TMEM62: variants seen among roughly 807,000 people sequenced by gnomAD.
TMEM62 encodes the protein transmembrane protein 62.
A neutral mutation model predicts 70.4 loss-of-function variants in TMEM62; 41 were observed. That is an observed-to-expected ratio of 0.58 (90% CI 0.45 to 0.76). The LOEUF is 0.76. Ranked by LOEUF, TMEM62 falls within the 30% of genes least tolerant of loss-of-function variation. The pLI, the probability that TMEM62 is intolerant of heterozygous loss-of-function variation, is 0.00. For missense variants in TMEM62, 688 were observed against 788.5 expected (o/e 0.87, Z 1.53); for synonymous variants, 268 against 291.0 (o/e 0.92, Z 0.80).
chr15:43,163,051 A>T (rs965672805), intron 10 of TMEM62, among the ~76,000 whole-genome samples: 1 of 151,832 alleles, frequency 6.6e-6, no homozygotes, highest in African/African-American at 2.4e-5. Flanking sequence ...GCCCTCAATA[A>T]ATATTTCTTA....
intron 11 of TMEM62, among the ~76,000 whole-genome samples, chr15:43,175,952 C>G (rs2142046309): frequency 6.6e-6 from 1 of 152,340 alleles, no homozygotes; most frequent in South Asian, 2.1e-4. Context: ...TAACAGAGGG[C>G]ACCTGGACAA....
rs186121548 is a variant in TMEM62, at chr15:43,154,459, C to T, written c.1023-213C>T. Among the ~76,000 whole-genome samples, 97 of 152,148 alleles carry T rather than the reference C, an allele frequency of 6.4e-4. 1 individual carries two copies. Among genetic ancestry groups the T allele is most frequent in the Admixed American group, 6.2e-3 (94 of 15,284 alleles). Reference sequence around the variant, plus strand: ...TTTCTAAAAAGTAAAAGAATAGTTCCGAATTTCTTACCAGTTCAGTTTTGC... The same window carrying T: ...TTTCTAAAAAGTAAAAGAATAGTTCTGAATTTCTTACCAGTTCAGTTTTGC... On this transcript the variant is annotated intron_variant, in intron 8 of 13. Coordinates refer to ENST00000260403, the MANE Select transcript of TMEM62 (RefSeq NM_024956.4).
At chr15:43,135,874 T>G (rs772567297) in intron 3 of TMEM62, 24 of 392,362 alleles carry the variant, frequency 6.1e-5, no homozygotes, top group Non-Finnish European at 9.4e-5. Flanking sequence ...ATATGCTGCT[T>G]CTTTTTTTAT....
intron 11 of TMEM62, among the ~76,000 whole-genome samples, chr15:43,178,178 A>T (rs1459752942): frequency 6.6e-6 from 1 of 152,024 alleles, no homozygotes; most frequent in Non-Finnish European, 1.5e-5. Flanking sequence ...GAAAACAGAG[A>T]CTTGATCATC....
In TMEM62 at chr15:43,184,862, C is replaced by T. The variant is rs370624149; in HGVS notation, c.*276C>T. 1 of 483,856 alleles carries T rather than the reference C, an allele frequency of 2.1e-6. No individual in the cohort carries two copies. The highest frequency in any genetic ancestry group is 3.6e-5 in the East Asian group (1 of 27,998). 30.0% of individuals were successfully genotyped at this position (483,856 alleles called of 1,614,324 possible). A position where few individuals can be genotyped will look rare whatever the true frequency, so the allele number is the denominator to read the frequency against. On this transcript the variant is annotated 3_prime_UTR_variant, in exon 14 of 14. Transcript: ENST00000260403. ...GTGAAGAGAAAACCCTTATCTAGGA[C>T]ATCCACAGGGTAGAGGTTGGGTGTG... is the stretch of plus-strand genomic sequence containing the variant.
chr15:43,153,594 T>C (rs1520519), intron 8 of TMEM62, among the ~76,000 whole-genome samples: 2,411 of 152,340 alleles, frequency 0.016, 76 homozygotes, highest in African/African-American at 0.056. Flanking sequence ...TCAAGGTTTA[T>C]ACATGTTGTG....
In TMEM62 at chr15:43,151,936, C is replaced by G; in HGVS notation, c.1013C>G (p.Thr338Arg). ...CCACTAGAAAGACTTCTTCACTCAA[C>G]ACACATCAGGTATGTAGCAATTTTT... ...HEPLERLLHSTHIRVLAFSLS... is the reference protein window; with the variant it reads ...HEPLERLLHSRHIRVLAFSLS... Residue 338 changes from threonine (T) to arginine (R), a missense_variant, in exon 8 of 14, where the codon ACA (threonine) becomes AGA (arginine). Physicochemically the swap from Thr to Arg is moderately conservative, Grantham distance 71. Transcript: ENST00000260403. 6.2e-7 allele frequency: 1 copy of G among 1,610,146 alleles called. No individual in the cohort carries two copies. The highest frequency in any genetic ancestry group is 2.2e-5 in the East Asian group (1 of 44,726).
chr15:43,157,115 C>T (rs2038138940), intron 9 of TMEM62, among the ~76,000 whole-genome samples: 1 of 152,128 alleles, frequency 6.6e-6, no homozygotes, highest in African/African-American at 2.4e-5. Context: ...ATTTTACCTA[C>T]TCATTGTATT....
rs147758442 is a variant in TMEM62, at chr15:43,154,825, C to A, written c.1176C>A (p.Ile392=). The part of the protein sequence containing the change: ...YSSGTHNIEV[I]VQDSAGRSKS... ...GTGGGACACATAACATAGAAGTAAT[C>A]GTCCAGGTAAGTTAGTAATTTATAT... The change falls in exon 9 of 14, where the codon ATC becomes ATA. Residue 392 remains isoleucine (I), a synonymous_variant. Transcript: ENST00000260403. 141 of 1,598,708 alleles carry A rather than the reference C, an allele frequency of 8.8e-5. 1 individual carries two copies. In the African/African-American group the frequency reaches 1.6e-3, roughly 18 times the overall value.
chr15:43,166,964 A>G (rs1418197444), intron 10 of TMEM62, among the ~76,000 whole-genome samples: 1 of 152,162 alleles, frequency 6.6e-6, no homozygotes, highest in African/African-American at 2.4e-5. Context: ...CAACCATCCG[A>G]TTTCTCAATC....
At chr15:43,144,131 A>G (rs1291724058) in intron 4 of TMEM62, among the ~76,000 whole-genome samples, 1 of 152,266 alleles carries the variant, frequency 6.6e-6, no homozygotes, top group Non-Finnish European at 1.5e-5. Context: ...AGAAGCAAAA[A>G]GTGTGTCCAA....
chr15:43,168,016 C>T (rs1014319539), intron 10 of TMEM62, among the ~76,000 whole-genome samples: 1 of 150,298 alleles, frequency 6.7e-6, no homozygotes, highest in Non-Finnish European at 1.5e-5. Flanking sequence ...CGCAGGCACT[C>T]GGCAGGCTGA....
chr15:43,154,608 A>T, intron 8 of TMEM62, 64 bp from the exon 9 acceptor site: 2 of 1,459,486 alleles, frequency 1.4e-6, no homozygotes, highest in East Asian at 4.6e-5. Context: ...CAATAAGGTT[A>T]TTCTCCTTTG....
chr15:43,140,445 G>C (rs1461777705), intron 4 of TMEM62, among the ~76,000 whole-genome samples: 1 of 152,126 alleles, frequency 6.6e-6, no homozygotes, highest in Non-Finnish European at 1.5e-5. Flanking sequence ...GCCAACTTTG[G>C]CGGTCACATT....
At chr15:43,157,605 T>A (rs1337424029) in intron 9 of TMEM62, among the ~76,000 whole-genome samples, 2 of 152,194 alleles carry the variant, frequency 1.3e-5, no homozygotes, top group African/African-American at 4.8e-5. Flanking sequence ...CTCCCATGTA[T>A]CCATCAGCCA....
At chr15:43,169,935 T>C (rs1408996992) in intron 11 of TMEM62, 1 of 299,064 alleles carries the variant, frequency 3.3e-6, no homozygotes, top group African/African-American at 2.2e-5. Flanking sequence ...GCCCCAAAAG[T>C]TGGGATATCT....
In TMEM62 at chr15:43,163,259, ATAGGTT is replaced by A. The variant is rs561038510; in HGVS notation, c.1296+2469_1296+2474del. 4.0e-3 allele frequency among the ~76,000 whole-genome samples: 603 copies of A among 152,206 alleles called. 3 individuals are homozygous for A. Among genetic ancestry groups the A allele is most frequent in the South Asian group, 0.015 (73 of 4,826 alleles). ...CCTTCCTTAATTTCACCTCCCAGAG[ATAGGTT>A]TAGTGTATATTCTCACGGACTTAAA... On this transcript the variant is annotated intron_variant, in intron 10 of 13. Coordinates refer to ENST00000260403, the MANE Select transcript of TMEM62 (RefSeq NM_024956.4).
At chr15:43,180,403 A>G (rs1261047836) in intron 12 of TMEM62, among the ~76,000 whole-genome samples, 3 of 152,196 alleles carry the variant, frequency 2.0e-5, no homozygotes, top group Non-Finnish European at 2.9e-5. Flanking sequence ...GATTATAGGC[A>G]TGAGCCACCC....
chr15:43,172,809 AT>A (rs1453105765), intron 11 of TMEM62, among the ~76,000 whole-genome samples: 1 of 152,232 alleles, frequency 6.6e-6, no homozygotes, highest in Non-Finnish European at 1.5e-5. Flanking sequence ...TATTAAAAAA[AT>A]AAAAACATAT....
Sources: gnomAD v4.1 joint callset for allele counts (sites outside exome capture counted in the v4.1 genomes callset) on GRCh38, gnomAD v4.1.1 for gene constraint, MANE v1.5 for transcripts, NCBI Gene and HGNC (gene_info 2026-07-23, HGNC 2026-07-21) for gene names.